NPC1: variants seen among roughly 807,000 people sequenced by gnomAD.
NPC1 encodes the protein Niemann-Pick C1 protein.
NPC1 carries 85 observed loss-of-function variants against 140.4 expected under a neutral mutation model. The ratio of observed to expected loss-of-function variants is 0.61; its 90% CI spans 0.51 to 0.72. The LOEUF is 0.72. NPC1 is among the 30% of genes least tolerant of loss of function. The pLI, the probability that NPC1 is intolerant of heterozygous loss-of-function variation, is 0.00. For missense variants in NPC1, 1,504 were observed against 1,623.8 expected (o/e 0.93, Z 1.27); for synonymous variants, 656 against 624.8 (o/e 1.05, Z -0.74).
chr18:23,513,402 G>A (rs776210333), intron 3 of NPC1, among the ~76,000 whole-genome samples: 11 of 152,272 alleles, frequency 7.2e-5, no homozygotes, highest in Admixed American at 3.3e-4. Flanking sequence ...TGATAATACC[G>A]CACTGAGCGT....
intron 10 of NPC1, among the ~76,000 whole-genome samples, chr18:23,548,339 C>CTTTTT (rs34182768): frequency 2.6e-4 from 35 of 136,184 alleles, no homozygotes; most frequent in African/African-American, 9.2e-4. Context: ...AAGAGTAACT[C>CTTTTT]TTTTTTTTTT....
At chr18:23,556,851 G>A (rs1344426486) in intron 7 of NPC1, among the ~76,000 whole-genome samples, 1 of 152,244 alleles carries the variant, frequency 6.6e-6, no homozygotes, top group Non-Finnish European at 1.5e-5. Flanking sequence ...CCTCTGAAGG[G>A]TGAGGTTCAA....
chr18:23,542,260 T>C (rs558941122), intron 14 of NPC1, among the ~76,000 whole-genome samples: 5 of 151,606 alleles, frequency 3.3e-5, no homozygotes, highest in Admixed American at 6.6e-5. Flanking sequence ...TTTTTTCTTT[T>C]TTTTTTTTTT....
chr18:23,547,490 C>T (rs972216092), intron 11 of NPC1, among the ~76,000 whole-genome samples: 1 of 152,136 alleles, frequency 6.6e-6, no homozygotes, highest in Non-Finnish European at 1.5e-5. Context: ...CCTGTAATCC[C>T]GGCACTTTGG....
At chr18:23,532,772 TA>T in intron 24 of NPC1, 1 of 516,308 alleles carries the variant, frequency 1.9e-6, no homozygotes, top group Non-Finnish European at 2.5e-6. Context: ...CCGGAGATGA[TA>T]AAAAGCCCCT....
intron 1 of NPC1, among the ~76,000 whole-genome samples, chr18:23,583,000 G>A (rs1024080903): frequency 1.3e-5 from 2 of 151,436 alleles, no homozygotes; most frequent in African/African-American, 2.4e-5. Flanking sequence ...TCCCAGCTAC[G>A]TGGGAGGCTG....
intron 7 of NPC1, 61 bp from the exon 8 acceptor site, chr18:23,556,674 G>C: frequency 1.3e-6 from 2 of 1,598,564 alleles, no homozygotes; most frequent in Middle Eastern, 1.7e-4. Flanking sequence ...CCTGAAAGTC[G>C]GAACAGGGAA....
intron 11 of NPC1, among the ~76,000 whole-genome samples, chr18:23,546,216 T>C (rs1319625443): frequency 8.8e-6 from 1 of 113,814 alleles, no homozygotes; most frequent in East Asian, 3.0e-4. Flanking sequence ...GCCACTGCAC[T>C]CCAGCCTGGA....
intron 4 of NPC1, among the ~76,000 whole-genome samples, chr18:23,564,485 G>A (rs1667429969): frequency 6.6e-6 from 1 of 151,698 alleles, no homozygotes; most frequent in Admixed American, 6.6e-5. Context: ...ATGCCACCAT[G>A]CCTGGCTAAT....
At chr18:23,551,794 T>A in intron 9 of NPC1, 67 bp from the exon 10 acceptor site, 1 of 1,047,984 alleles carries the variant, frequency 9.5e-7, no homozygotes, top group South Asian at 1.3e-5. Flanking sequence ...CCTAAACATT[T>A]ACACAGTGAA....
chr18:23,526,563 T>A, downstream of NPC1: 2 of 1,566,390 alleles, frequency 1.3e-6, no homozygotes, highest in Non-Finnish European at 1.7e-6. Flanking sequence ...CCCGCAGATG[T>A]TTAGGGGAAC....
chr18:23,521,248 T>C (rs1274589062), downstream of NPC1, among the ~76,000 whole-genome samples: 2 of 152,228 alleles, frequency 1.3e-5, no homozygotes, highest in Admixed American at 1.3e-4. Context: ...TGAATCTCCC[T>C]TGGGAGGAAA....
At chr18:23,548,339 CT>C (rs34182768) in intron 10 of NPC1, among the ~76,000 whole-genome samples, 2,197 of 135,982 alleles carry the variant, frequency 0.016, 7 homozygotes, top group Non-Finnish European at 0.018. Context: ...AAGAGTAACT[CT>C]TTTTTTTTTT....
intron 3 of NPC1, chr18:23,516,413 A>G (rs148477145): frequency 1.7e-4 from 281 of 1,613,924 alleles, no homozygotes; most frequent in Non-Finnish European, 2.3e-4. Context: ...AGACATCGCA[A>G]TGGCTACCAT....
Position 23,532,146 on chromosome 18 carries a change from A to C in NPC1, c.*56T>G, listed in dbSNP as rs1361529577. On this transcript the variant is annotated 3_prime_UTR_variant, in exon 25 of 25. Coordinates refer to ENST00000269228, the MANE Select transcript of NPC1 (RefSeq NM_000271.5). ...GGCCTTGCCGATGCAGCACCCGTCC[A>C]GTGGTAAACCGACCGACCCTTAGAC... 3 of 1,614,012 alleles carry C rather than the reference A, an allele frequency of 1.9e-6. No homozygotes were observed. In the East Asian group the frequency reaches 6.7e-5, roughly 36 times the overall value.
rs112754313 is a variant in NPC1, at chr18:23,544,265, C to T, written c.2130+79G>A. On this transcript the variant is annotated intron_variant, in intron 13 of 24. Coordinates refer to ENST00000269228, the MANE Select transcript of NPC1 (RefSeq NM_000271.5). Reference sequence around the variant, plus strand: ...AAAACACCCTCACAGGTCACACTCACGAATGCGGAGCCCAGGAGCCATTCA... The same window carrying T: ...AAAACACCCTCACAGGTCACACTCATGAATGCGGAGCCCAGGAGCCATTCA... 2.2e-4 allele frequency: 310 copies of T among 1,385,392 alleles called. No homozygotes were observed. The African/African-American group carries it at 2.7e-3, about 12-fold the overall frequency. 85.8% of individuals were successfully genotyped at this position (1,385,392 alleles called of 1,614,324 possible).
chr18:23,542,241 AAAAG>A (rs1333056173), intron 14 of NPC1, among the ~76,000 whole-genome samples: 1 of 125,052 alleles, frequency 8.0e-6, no homozygotes, highest in Non-Finnish European at 1.8e-5. Flanking sequence ...AGTAGTGAAA[AAAAG>A]AAAGTTTTTT....
chr18:23,532,427 C>T, intron 24 of NPC1, 143 bp from the exon 25 acceptor site: 2 of 864,566 alleles, frequency 2.3e-6, no homozygotes, highest in South Asian at 1.4e-5. Flanking sequence ...CAGAGTGAGA[C>T]CACATCTCTC....
intron 6 of NPC1, among the ~76,000 whole-genome samples, chr18:23,557,947 G>A (rs2058979082): frequency 2.0e-5 from 3 of 152,162 alleles, no homozygotes; most frequent in Admixed American, 2.0e-4. Flanking sequence ...CACTCCCAAT[G>A]GCCCAAAGTG....
Sources: allele counts gnomAD v4.1 joint callset (sites outside exome capture counted in the v4.1 genomes callset), GRCh38; gene constraint gnomAD v4.1.1; transcripts MANE v1.5; gene names NCBI Gene and HGNC (gene_info 2026-07-23, HGNC 2026-07-21).